Variants in SERINC3 observed in about 807,000 individuals in gnomAD.
SERINC3 encodes the protein tumor differentially expressed protein 1.
In SERINC3, 22 loss-of-function variants were observed where a neutral mutation model predicts 52.1. The ratio of observed to expected loss-of-function variants is 0.42; its 90% CI spans 0.30 to 0.60. The LOEUF (loss-of-function observed/expected upper bound fraction) is 0.60. SERINC3 is among the 20% of genes least tolerant of loss of function. The pLI is 0.16. For missense variants in SERINC3, 564 were observed against 584.6 expected, an observed-to-expected ratio of 0.96 and a Z score of 0.36; for synonymous variants, 226 against 212.7, an observed-to-expected ratio of 1.06 and a Z score of -0.54.
rs564449738 is a variant in SERINC3 at position 44,511,168 on chromosome 20, C to G, written c.475+121G>C. On this transcript the variant is annotated intron_variant, in intron 4 of 9. Transcript: ENST00000342374. ...ACCTCAGGTGATCCGCCCGTCTTGG[C>G]CTCCCAAAGTGCTGAGCTTACAGGT... The G allele has an allele frequency of 2.3e-4, 156 of 664,348 alleles. No homozygotes were observed. In the South Asian group the frequency reaches 3.0e-3, roughly 13 times the overall value. The allele number at this position is 664,348 out of a possible 1,614,324, so 41.2% of individuals were successfully genotyped here. A position where few individuals can be genotyped will look rare whatever the true frequency, so the allele number is the denominator to read the frequency against.
At chr20:44,517,494 G>A (rs1463854757) in intron 1 of SERINC3, among the ~76,000 whole-genome samples, 1 of 152,150 alleles carries the variant, frequency 6.6e-6, no homozygotes, top group South Asian at 2.1e-4. Context: ...GGGGAAACTT[G>A]GACAAAGGCT....
intron 1 of SERINC3, 58 bp from the exon 2 acceptor site, chr20:44,514,098 C>T (rs2064365589): frequency 6.6e-7 from 1 of 1,524,648 alleles, no homozygotes; most frequent in African/African-American, 1.4e-5. Context: ...CTTTATGACA[C>T]AGATGTCGCA....
chr20:44,507,403 A>G (rs565919289), intron 5 of SERINC3, among the ~76,000 whole-genome samples: 1 of 152,224 alleles, frequency 6.6e-6, no homozygotes, highest in African/African-American at 2.4e-5. Flanking sequence ...AGAGGAAAAC[A>G]GAATACACAC....
rs1240475232 is a variant in SERINC3 at position 44,522,051 on chromosome 20, G to T, written c.-100C>A. On this transcript the variant is annotated 5_prime_UTR_variant, in exon 1 of 10. The change creates a new upstream start codon in the 5' untranslated region. Coordinates refer to ENST00000342374, the MANE Select transcript of SERINC3 (RefSeq NM_006811.4). ...TCCCCAGAAACATGACGGTTTCTCA[G>T]GCCGGAAACGCAGCCTTCCACAGAC... The T allele has an allele frequency of 1.5e-6, 2 of 1,295,922 alleles. No homozygotes were observed. Among genetic ancestry groups the T allele is most frequent in the Non-Finnish European group, 2.2e-6 (2 of 922,028 alleles). 80.3% of individuals were successfully genotyped at this position (1,295,922 alleles called of 1,614,324 possible).
chr20:44,518,217 T>C (rs975229571), intron 1 of SERINC3, among the ~76,000 whole-genome samples: 5 of 151,474 alleles, frequency 3.3e-5, no homozygotes, highest in African/African-American at 1.2e-4. Flanking sequence ...TCCCAGCACT[T>C]TGGGAAGCCA....
At chr20:44,496,955 C>T (rs2064252395), downstream of SERINC3, among the ~76,000 whole-genome samples, 1 of 152,174 alleles carries the variant, frequency 6.6e-6, no homozygotes, top group Admixed American at 6.5e-5. Flanking sequence ...TTTTACTTCC[C>T]AACCAGATAA....
In SERINC3 at chr20:44,498,144, C is replaced by A. The variant is rs1418077310; in HGVS notation, c.*2152G>T. On this transcript the variant is annotated 3_prime_UTR_variant, in exon 10 of 10. Coordinates refer to ENST00000342374, the MANE Select transcript of SERINC3 (RefSeq NM_006811.4). ...TTAACCATTCTTAAGAGACCACCTACCTCCATTCTTCTTCGAACACATGTT... is the reference window on the plus strand; with the variant it reads ...TTAACCATTCTTAAGAGACCACCTAACTCCATTCTTCTTCGAACACATGTT... 1.3e-5 allele frequency: 2 copies of A among 152,092 alleles called. No individual in the cohort carries two copies. Among genetic ancestry groups the A allele is most frequent in the African/African-American group, 4.8e-5 (2 of 41,360 alleles). 9.4% of individuals were successfully genotyped at this position (152,092 alleles called of 1,614,324 possible).
chr20:44,516,876 T>C (rs1416076185), intron 1 of SERINC3, among the ~76,000 whole-genome samples: 3 of 152,214 alleles, frequency 2.0e-5, no homozygotes, highest in Non-Finnish European at 4.4e-5. Context: ...TGAGTCATTA[T>C]GCTTGATTAG....
At chr20:44,513,055 A>C in intron 2 of SERINC3, 61 bp from the exon 3 acceptor site, 1 of 1,153,296 alleles carries the variant, frequency 8.7e-7, no homozygotes, top group Non-Finnish European at 1.2e-6. Context: ...ACTCTAACCC[A>C]CTGCAGGAAA....
Position 44,499,623 on chromosome 20 carries a change from A to T in SERINC3, c.*673T>A, listed in dbSNP as rs751368172. 8 of 152,386 alleles carry T rather than the reference A, an allele frequency of 5.2e-5. No individual in the cohort carries two copies. The highest frequency in any genetic ancestry group is 1.0e-4 in the Non-Finnish European group (7 of 68,042). The allele number at this position is 152,386 out of a possible 1,614,324, so 9.4% of individuals were successfully genotyped here. ...TCCCAAGTGAATCTTCATTTTAACC[A>T]AACTCACAAAGCATTTATGGAAATT... On this transcript the variant is annotated 3_prime_UTR_variant, in exon 10 of 10. Transcript: ENST00000342374.
chr20:44,518,455 A>G (rs1320997356), intron 1 of SERINC3, among the ~76,000 whole-genome samples: 1 of 151,616 alleles, frequency 6.6e-6, no homozygotes, highest in Non-Finnish European at 1.5e-5. Context: ...TCTGACTAAA[A>G]GCAGCAACTT....
chr20:44,499,504 A>C lies in SERINC3; in HGVS notation c.*792T>G, dbSNP rs2064266617. ...CTTAAAAGTCTTTGTATTTTAACCA[A>C]ATACCTTCATAGTGCAAATATGATA... On this transcript the variant is annotated 3_prime_UTR_variant, in exon 10 of 10. Coordinates refer to ENST00000342374, the MANE Select transcript of SERINC3 (RefSeq NM_006811.4). The C allele has an allele frequency of 6.6e-6, 1 of 152,354 alleles. No individual in the cohort carries two copies. The highest frequency in any genetic ancestry group is 1.5e-5 in the Non-Finnish European group (1 of 68,040). The allele number at this position is 152,354 out of a possible 1,614,324, so 9.4% of individuals were successfully genotyped here.
At chr20:44,513,764 G>A (rs1329757541) in intron 2 of SERINC3, 115 bp downstream of exon 2, 2 of 883,596 alleles carry the variant, frequency 2.3e-6, no homozygotes, top group Non-Finnish European at 3.3e-6. Context: ...CCCCATATAA[G>A]TAAAAAATCT....
chr20:44,504,159 A>G (rs577014797), intron 7 of SERINC3, among the ~76,000 whole-genome samples, 164 bp from the exon 8 acceptor site: 2 of 152,350 alleles, frequency 1.3e-5, no homozygotes, highest in African/African-American at 2.4e-5. Flanking sequence ...TTTGGTCACA[A>G]TCAATGACAG....
In SERINC3 at chr20:44,512,844, T is replaced by C; in HGVS notation, c.352A>G (p.Lys118Glu). 6.3e-7 allele frequency: 1 copy of C among 1,576,976 alleles called. No homozygotes were observed. Among genetic ancestry groups the C allele is most frequent in the Admixed American group, 2.0e-5 (1 of 49,808 alleles). ...CGGAGATCTTTACTTGTTTTTACTT[T>C]GAACATGAGCAGAGAAAAGACAAAG... ...FFFVFSLLMF[K>E]VKTSKDLRAA... The change falls in exon 3 of 10, where the codon AAA becomes GAA. Residue 118 changes from lysine (K) to glutamate (E), a missense_variant. Physicochemically the swap from Lys to Glu is moderately conservative, Grantham distance 56. Coordinates refer to ENST00000342374, the MANE Select transcript of SERINC3 (RefSeq NM_006811.4).
intron 1 of SERINC3, among the ~76,000 whole-genome samples, chr20:44,514,408 A>G (rs2064367137): frequency 6.6e-6 from 1 of 152,248 alleles, no homozygotes; most frequent in African/African-American, 2.4e-5. Context: ...AGAAAAATAT[A>G]AACCTAACTC....
intron 1 of SERINC3, among the ~76,000 whole-genome samples, chr20:44,518,678 GC>G (rs142154251): frequency 0.04 from 6,127 of 151,950 alleles, 135 homozygotes; most frequent in African/African-American, 0.059. Context: ...AAATTAGAAA[GC>G]CTTGGCTGGG....
At chr20:44,515,790 A>T (rs532630885) in intron 1 of SERINC3, among the ~76,000 whole-genome samples, 4 of 151,918 alleles carry the variant, frequency 2.6e-5, no homozygotes, top group African/African-American at 4.8e-5. Context: ...AGCTGGGACT[A>T]CAGGTGTGCA....
At chr20:44,514,531 G>A (rs1032029011) in intron 1 of SERINC3, among the ~76,000 whole-genome samples, 4 of 151,920 alleles carry the variant, frequency 2.6e-5, no homozygotes, top group East Asian at 1.9e-4. Context: ...AGGCCGAGGC[G>A]GGTGGATCAC....
Sources: allele counts gnomAD v4.1 joint callset (sites outside exome capture counted in the v4.1 genomes callset), GRCh38; gene constraint gnomAD v4.1.1; transcripts MANE v1.5; gene names NCBI Gene and HGNC (gene_info 2026-07-23, HGNC 2026-07-21).